CUEDC1: variants seen among roughly 807,000 people sequenced by gnomAD.
The protein encoded by CUEDC1 is CUE domain containing 1, also known as CUE domain-containing protein 1.
CUEDC1 carries 30 observed loss-of-function variants against 43.7 expected under a neutral mutation model. That is an observed-to-expected ratio of 0.69 (90% CI 0.51 to 0.93). The LOEUF (loss-of-function observed/expected upper bound fraction) is 0.93. Ranked by LOEUF, CUEDC1 falls within the 40% of genes least tolerant of loss-of-function variation. The probability of loss-of-function intolerance (pLI) is 0.00; values close to 1 mark genes in which losing one functional copy is unlikely to be tolerated. For synonymous variants in CUEDC1, 223 were observed against 223.6 expected (o/e 1.00, Z 0.02); for missense variants, 486 against 549.0 (o/e 0.89, Z 1.15).
chr17:57,876,214 G>A (rs1309042790), intron 3 of CUEDC1, among the ~76,000 whole-genome samples: 2 of 152,096 alleles, frequency 1.3e-5, no homozygotes, highest in African/African-American at 2.4e-5. Flanking sequence ...AAGAGAAGAC[G>A]GAAGCTCCCT....
At chr17:57,929,565 G>A (rs2074783494) in intron 1 of CUEDC1, among the ~76,000 whole-genome samples, 1 of 152,180 alleles carries the variant, frequency 6.6e-6, no homozygotes, top group Admixed American at 6.5e-5. Flanking sequence ...TTCCCTCTTA[G>A]AACAGGGTAT....
intron 3 of CUEDC1, among the ~76,000 whole-genome samples, chr17:57,876,922 C>G (rs2074133803): frequency 6.6e-6 from 1 of 152,206 alleles, no homozygotes; most frequent in East Asian, 1.9e-4. Context: ...CCTAACAGTG[C>G]TAAGGTGGAA....
At chr17:57,904,745 G>A (rs985888173) in intron 1 of CUEDC1, among the ~76,000 whole-genome samples, 3 of 152,274 alleles carry the variant, frequency 2.0e-5, no homozygotes, top group African/African-American at 4.8e-5. Context: ...GGGGCTAGGC[G>A]TGGGGGGATC....
intron 1 of CUEDC1, among the ~76,000 whole-genome samples, chr17:57,904,446 A>G (rs1451040495): frequency 2.6e-5 from 4 of 152,286 alleles, no homozygotes; most frequent in Non-Finnish European, 5.9e-5. Context: ...GAATATGGTC[A>G]CCAGAGGAAA....
In CUEDC1 at chr17:57,872,869, C is replaced by T. The variant is rs375001158; in HGVS notation, c.592-14G>A. 14 of 1,607,126 alleles carry T rather than the reference C, an allele frequency of 8.7e-6. No homozygotes were observed. The highest frequency in any genetic ancestry group is 2.2e-5 in the South Asian group (2 of 90,498). Reference sequence around the variant, plus strand: ...CCCAGCGTTACCCTGAGGAGGGAAGCGAGCATGTTGAATGTGTACACACAA... The same window carrying T: ...CCCAGCGTTACCCTGAGGAGGGAAGTGAGCATGTTGAATGTGTACACACAA... On this transcript the variant is annotated splice_polypyrimidine_tract_variant and intron_variant, in intron 4 of 10. Transcript: ENST00000577830.
intron 2 of CUEDC1, among the ~76,000 whole-genome samples, chr17:57,883,764 T>C (rs1377619444): frequency 6.6e-6 from 1 of 151,978 alleles, no homozygotes; most frequent in Non-Finnish European, 1.5e-5. Flanking sequence ...ATATGATACA[T>C]CTAAAGCACT....
In CUEDC1 at chr17:57,893,349, A is replaced by ATGTGTGTGTGTGTGTG. The variant is rs147335365; in HGVS notation, c.-315-7486_-315-7471dup. Among the ~76,000 whole-genome samples, 944 of 148,342 alleles carry ATGTGTGTGTGTGTGTG rather than the reference A, an allele frequency of 6.4e-3. 11 individuals are homozygous for ATGTGTGTGTGTGTGTG. Among genetic ancestry groups the ATGTGTGTGTGTGTGTG allele is most frequent in the African/African-American group, 0.021 (860 of 40,666 alleles). Reference sequence around the variant, plus strand: ...AGCAAGAGACAGAGGCTCTCAGGGTATGTGTGTGTGTGTGTGTGTGTGTGT... The same window carrying ATGTGTGTGTGTGTGTG: ...AGCAAGAGACAGAGGCTCTCAGGGTATGTGTGTGTGTGTGTGTGTGTGTGTGTGTGTGTGTGTGTGT... On this transcript the variant is annotated intron_variant, in intron 1 of 10. Transcript: ENST00000577830.
intron 9 of CUEDC1, 29 bp from the exon 10 acceptor site, chr17:57,866,573 C>T (rs2073962607): frequency 6.2e-7 from 1 of 1,613,258 alleles, no homozygotes; most frequent in African/African-American, 1.3e-5. Flanking sequence ...CTGCCTCATC[C>T]TCTACCCTGC....
intron 1 of CUEDC1, among the ~76,000 whole-genome samples, chr17:57,915,572 T>A (rs1395508979): frequency 6.6e-6 from 1 of 152,208 alleles, no homozygotes; most frequent in African/African-American, 2.4e-5. Flanking sequence ...TTTTGGATGA[T>A]GCAGTTTATC....
intron 1 of CUEDC1, among the ~76,000 whole-genome samples, chr17:57,927,186 A>G (rs2074756063): frequency 6.6e-6 from 1 of 152,046 alleles, no homozygotes; most frequent in Admixed American, 6.6e-5. Context: ...GGAGGGTGCC[A>G]ATGGGTTTCT....
chr17:57,927,060 G>A lies in CUEDC1; in HGVS notation c.-316+28165C>T, dbSNP rs571924963. On this transcript the variant is annotated intron_variant, in intron 1 of 10. Transcript: ENST00000577830. ...CCGGCAATTGTTTGTAGGGATGGCCGGCCCTGCTGCTTTGTGTGTTAATGT... is the reference window on the plus strand; with the variant it reads ...CCGGCAATTGTTTGTAGGGATGGCCAGCCCTGCTGCTTTGTGTGTTAATGT... Among the ~76,000 whole-genome samples, 4 of 152,330 alleles carry A rather than the reference G, an allele frequency of 2.6e-5. No homozygotes were observed. In the East Asian group the frequency reaches 5.8e-4, roughly 22 times the overall value.
At chr17:57,880,551 G>A (rs1434981345) in intron 2 of CUEDC1, among the ~76,000 whole-genome samples, 2 of 152,160 alleles carry the variant, frequency 1.3e-5, no homozygotes, top group African/African-American at 2.4e-5. Flanking sequence ...GCCAAGAAGA[G>A]GGCCAGGGAG....
At chr17:57,892,410 G>A (rs1241470716) in intron 1 of CUEDC1, 1 of 152,334 alleles carries the variant, frequency 6.6e-6, no homozygotes, top group Non-Finnish European at 1.5e-5. Flanking sequence ...GTGGGAGTTA[G>A]AACAGGAAGC....
intron 1 of CUEDC1, among the ~76,000 whole-genome samples, chr17:57,894,293 C>A (rs2074386763): frequency 6.6e-6 from 1 of 152,194 alleles, no homozygotes; most frequent in African/African-American, 2.4e-5. Flanking sequence ...CTGGGCATGG[C>A]ATGATGCCTT....
chr17:57,869,304 T>G (rs990674411), intron 6 of CUEDC1, 111 bp from the exon 7 acceptor site: 11 of 898,788 alleles, frequency 1.2e-5, no homozygotes, highest in Non-Finnish European at 1.7e-5. Context: ...GCTTCTTCCC[T>G]GGCCAGAAGG....
chr17:57,951,879 A>G (rs1207834670), intron 1 of CUEDC1, among the ~76,000 whole-genome samples: 1 of 152,218 alleles, frequency 6.6e-6, no homozygotes, highest in Non-Finnish European at 1.5e-5. Flanking sequence ...CACATTTATC[A>G]TTTATGACCT....
At chr17:57,943,888 C>G (rs1490638553) in intron 1 of CUEDC1, among the ~76,000 whole-genome samples, 2 of 152,140 alleles carry the variant, frequency 1.3e-5, no homozygotes, top group East Asian at 3.9e-4. Context: ...TTTATCCCTC[C>G]CTGGGACTGT....
intron 1 of CUEDC1, among the ~76,000 whole-genome samples, chr17:57,950,366 T>G (rs1289951753): frequency 6.6e-6 from 1 of 152,162 alleles, no homozygotes; most frequent in Non-Finnish European, 1.5e-5. Flanking sequence ...TTGCCCAGGT[T>G]GGTCTTCAAC....
chr17:57,894,304 G>A lies in CUEDC1; in HGVS notation c.-315-8425C>T, dbSNP rs556194456. On this transcript the variant is annotated intron_variant, in intron 1 of 10. Transcript: ENST00000577830. ...CAGGCTGGGCATGGCATGATGCCTT[G>A]GCCACCCCCACCCCTATCACTTAGA... is the stretch of plus-strand genomic sequence containing the variant. Among the ~76,000 whole-genome samples the A allele has an allele frequency of 2.0e-5, 3 of 152,268 alleles. No homozygotes were observed. The South Asian group carries it at 6.2e-4, about 32-fold the overall frequency.
Sources: gnomAD v4.1 joint callset for allele counts (sites outside exome capture counted in the v4.1 genomes callset) on GRCh38, gnomAD v4.1.1 for gene constraint, MANE v1.5 for transcripts, NCBI Gene and HGNC (gene_info 2026-07-23, HGNC 2026-07-21) for gene names.